CFAP70: variants seen among roughly 807,000 people sequenced by gnomAD.
CFAP70 encodes cilia and flagella associated protein 70, also known as cilia- and flagella-associated protein 70.
Under a neutral mutation model 137.6 loss-of-function variants are expected in CFAP70, and 81 were observed. The ratio of observed to expected loss-of-function variants is 0.59; its 90% CI spans 0.49 to 0.71. The LOEUF is 0.71. Among genes scored for constraint, CFAP70 ranks in the 30% least tolerant of loss-of-function variants. The pLI is 0.00. For missense variants in CFAP70, 976 were observed against 1,226.7 expected, an observed-to-expected ratio of 0.80 and a Z score of 3.05; for synonymous variants, 382 against 423.6, an observed-to-expected ratio of 0.90 and a Z score of 1.20.
At chr10:73,288,277 C>T (rs2047900026) in intron 19 of CFAP70, among the ~76,000 whole-genome samples, 1 of 151,902 alleles carries the variant, frequency 6.6e-6, no homozygotes. Context: ...ACACAGAATA[C>T]TAAGTTTTCT....
In CFAP70 at chr10:73,308,394, C is replaced by T. The variant is rs373122860; in HGVS notation, c.1256+1764G>A. Among the ~76,000 whole-genome samples the T allele has an allele frequency of 1.4e-4, 21 of 151,772 alleles. No homozygotes were observed. In the South Asian group the frequency reaches 3.5e-3, roughly 26 times the overall value. ...CTGTAATCCCAGCAATTTGGGAGGC[C>T]GAAGCGGGCAGATCACCTGAGGTCA... On this transcript the variant is annotated intron_variant, in intron 12 of 26. Transcript: ENST00000310715.
At chr10:73,253,938 A>AC (rs778262956) in exon 27 of CFAP70, 2 of 1,525,052 alleles carry the variant, frequency 1.3e-6, no homozygotes, top group Non-Finnish European at 9.0e-7. Flanking sequence ...AAAGGAACTC[A>AC]GAGTCCCATG....
Position 73,275,633 on chromosome 10 carries a change from A to G in CFAP70, c.2521-35T>C. 6.8e-7 allele frequency: 1 copy of G among 1,476,392 alleles called. No individual in the cohort carries two copies. The allele number at this position is 1,476,392 out of a possible 1,614,324, so 91.5% of individuals were successfully genotyped here. On this transcript the variant is annotated intron_variant, in intron 21 of 26. Transcript: ENST00000310715. This position sits in a 1 kb window ranked among gnomAD's most constrained non-coding sequence, Gnocchi z 4.0. ...TAATCAGATTATAAGCAACATATAA[A>G]TGGCTGCATTGCGTCTTTTTCGGTT...
intron 25 of CFAP70, among the ~76,000 whole-genome samples, chr10:73,260,576 A>G (rs2133571154): frequency 6.6e-6 from 1 of 152,336 alleles, no homozygotes; most frequent in East Asian, 1.9e-4. Flanking sequence ...AAGCATCAGC[A>G]CAATCCAGTG....
At chr10:73,325,176 A>G (rs891882568) in intron 8 of CFAP70, among the ~76,000 whole-genome samples, 9 of 152,232 alleles carry the variant, frequency 5.9e-5, no homozygotes, top group Non-Finnish European at 1.3e-4. Context: ...AGTGGGGGCC[A>G]ATATTCAACA....
intron 19 of CFAP70, among the ~76,000 whole-genome samples, chr10:73,282,559 C>T (rs1013623682): frequency 8.6e-5 from 13 of 152,006 alleles, no homozygotes; most frequent in Non-Finnish European, 1.8e-4. Flanking sequence ...ACCACCACAC[C>T]CGCCTAATTT....
intron 5 of CFAP70, among the ~76,000 whole-genome samples, chr10:73,342,362 C>A (rs756407391): frequency 6.6e-6 from 1 of 151,770 alleles, no homozygotes; most frequent in Non-Finnish European, 1.5e-5. Flanking sequence ...CATAGTGAGA[C>A]CCCCATCTCT....
intron 25 of CFAP70, among the ~76,000 whole-genome samples, chr10:73,262,002 A>G (rs2045272048): frequency 6.9e-6 from 1 of 145,670 alleles, no homozygotes; most frequent in Non-Finnish European, 1.5e-5. Flanking sequence ...ATATATGTAT[A>G]CATATGTATA....
chr10:73,292,070 C>T (rs976767055), intron 16 of CFAP70, 56 bp from the exon 18 acceptor site: 97 of 1,588,236 alleles, frequency 6.1e-5, no homozygotes, highest in South Asian at 5.4e-4. Flanking sequence ...TTTATGCATA[C>T]GACATCACAT....
chr10:73,320,988 C>A (rs373730453), intron 9 of CFAP70, among the ~76,000 whole-genome samples: 4 of 152,174 alleles, frequency 2.6e-5, no homozygotes, highest in Non-Finnish European at 4.4e-5. Context: ...CATATTTCAT[C>A]ATTTTTACTT....
chr10:73,293,275 T>A, exon 16 of CFAP70: 1 of 1,611,308 alleles, frequency 6.2e-7, no homozygotes, highest in Non-Finnish European at 8.5e-7. Flanking sequence ...CTTTATAATA[T>A]GCTGCTGCCA....
intron 15 of CFAP70, chr10:73,296,777 T>C (rs537853630): frequency 1.2e-5 from 3 of 255,632 alleles, no homozygotes; most frequent in Non-Finnish European, 2.2e-5. Context: ...ATTTAATCTA[T>C]TTTTGACAAT....
intron 12 of CFAP70, among the ~76,000 whole-genome samples, chr10:73,306,715 GA>G (rs2049412683): frequency 6.6e-6 from 1 of 151,150 alleles, no homozygotes; most frequent in East Asian, 1.9e-4. Flanking sequence ...AAAAATTACA[GA>G]AAAAAAAGGT....
chr10:73,356,207 CTTTTT>C (rs565816984), intron 1 of CFAP70, among the ~76,000 whole-genome samples: 1 of 142,076 alleles, frequency 7.0e-6, no homozygotes, highest in South Asian at 2.2e-4. Context: ...TCCTTCCTTC[CTTTTT>C]TTTTTTTTCA....
intron 16 of CFAP70, among the ~76,000 whole-genome samples, chr10:73,292,960 C>T (rs990943929): frequency 6.6e-6 from 1 of 152,102 alleles, no homozygotes; most frequent in Non-Finnish European, 1.5e-5. Flanking sequence ...AGTTTTACAT[C>T]TTACATTTAG....
chr10:73,277,337 G>A, exon 21 of CFAP70: 1 of 1,613,964 alleles, frequency 6.2e-7, no homozygotes, highest in South Asian at 1.1e-5. Flanking sequence ...CAGAAGAGCT[G>A]ATGAATCTTG....
chr10:73,270,121 C>T (rs1248235299), intron 24 of CFAP70, among the ~76,000 whole-genome samples: 1 of 152,006 alleles, frequency 6.6e-6, no homozygotes, highest in Admixed American at 6.6e-5. Context: ...AGTTTTTTTT[C>T]TTTACATTGT....
At chr10:73,313,945 G>A (rs745395158) in intron 9 of CFAP70, among the ~76,000 whole-genome samples, 17 of 152,078 alleles carry the variant, frequency 1.1e-4, no homozygotes, top group Non-Finnish European at 1.9e-4. Context: ...ATAATTGGAA[G>A]GATAAAGCAA....
chr10:73,319,337 G>A (rs181016224), intron 9 of CFAP70, among the ~76,000 whole-genome samples: 5 of 152,186 alleles, frequency 3.3e-5, no homozygotes, highest in Admixed American at 3.3e-4. Flanking sequence ...TTCCTGGGGT[G>A]CTTGGAGAAA....
Sources: gnomAD v4.1 joint callset for allele counts (sites outside exome capture counted in the v4.1 genomes callset) on GRCh38, gnomAD v4.1.1 for gene constraint, Gnocchi (gnomAD v3.1) non-coding constraint, MANE v1.5 for transcripts, NCBI Gene and HGNC (gene_info 2026-07-23, HGNC 2026-07-21) for gene names.